FRMD4B: variants seen among roughly 807,000 people sequenced by gnomAD.
FRMD4B encodes the protein FERM domain-containing protein 4B.
In FRMD4B, 74 loss-of-function variants were observed where a neutral mutation model predicts 141.5. The observed-to-expected ratio is 0.52, with a 90% CI of 0.43 to 0.63. The LOEUF (loss-of-function observed/expected upper bound fraction) is 0.63. Ranked by LOEUF, FRMD4B falls within the 30% of genes least tolerant of loss-of-function variation. The pLI is 0.00. For missense variants in FRMD4B, 1,366 were observed against 1,253.4 expected, an observed-to-expected ratio of 1.09 and a Z score of -1.36; for synonymous variants, 506 against 467.9, an observed-to-expected ratio of 1.08 and a Z score of -1.05.
intron 5 of FRMD4B, among the ~76,000 whole-genome samples, chr3:69,277,863 T>C (rs1350948229): frequency 6.6e-6 from 1 of 150,870 alleles, no homozygotes; most frequent in African/African-American, 2.4e-5. Flanking sequence ...TTCTTTCTTT[T>C]TTTTTTTCTT....
Position 69,356,062 on chromosome 3 carries a change from G to T in FRMD4B, c.162+29766C>A, listed in dbSNP as rs6780213. ...AAAAAAATTAGGAAACAGGATCCCCGCTTTTCTTTGGGGACACCATCCAAA... is the reference window on the plus strand; with the variant it reads ...AAAAAAATTAGGAAACAGGATCCCCTCTTTTCTTTGGGGACACCATCCAAA... On this transcript the variant is annotated intron_variant, in intron 1 of 22. Coordinates refer to ENST00000398540, the MANE Select transcript of FRMD4B (RefSeq NM_015123.3). Among the ~76,000 whole-genome samples the T allele has an allele frequency of 8.7e-3, 1,324 of 152,140 alleles. 23 individuals are homozygous for T. Among genetic ancestry groups the T allele is most frequent in the African/African-American group, 0.029 (1,195 of 41,512 alleles).
At chr3:69,311,748 A>G (rs1701597729) in intron 2 of FRMD4B, among the ~76,000 whole-genome samples, 1 of 152,132 alleles carries the variant, frequency 6.6e-6, no homozygotes, top group Non-Finnish European at 1.5e-5. Context: ...GATTGCAGGA[A>G]ACATTTTGCT....
chr3:69,346,112 A>G (rs1253558895), intron 1 of FRMD4B, among the ~76,000 whole-genome samples: 1 of 152,102 alleles, frequency 6.6e-6, no homozygotes. Context: ...GCTAACTAGA[A>G]TAACCAGTGT....
rs531199561 is a variant in FRMD4B, at chr3:69,435,405, T to C, written c.-128-2644A>G. 2.6e-5 allele frequency among the ~76,000 whole-genome samples: 4 copies of C among 152,190 alleles called. No homozygotes were observed. In the East Asian group the frequency reaches 5.8e-4, roughly 22 times the overall value. The stretch of plus-strand genomic sequence containing the variant: ...AAGGCCATTTAATAAACCTTGGTCA[T>C]TATGGTGTAAACCAAGCATCACAAG... On this transcript the variant is annotated intron_variant, in intron 1 of 5. Transcript: ENST00000459638.
intron 11 of FRMD4B, among the ~76,000 whole-genome samples, chr3:69,210,087 A>G (rs1305826439): frequency 6.6e-6 from 1 of 150,684 alleles, no homozygotes; most frequent in Middle Eastern, 3.4e-3. Context: ...AGAGACAGAA[A>G]CAGAAAGCTA....
At chr3:69,219,756 C>T (rs1338087982) in intron 9 of FRMD4B, among the ~76,000 whole-genome samples, 5 of 152,146 alleles carry the variant, frequency 3.3e-5, no homozygotes, top group Non-Finnish European at 7.4e-5. Context: ...TAGCACTTTT[C>T]CCTAATGCTC....
At chr3:69,289,692 C>A (rs146326011) in intron 4 of FRMD4B, among the ~76,000 whole-genome samples, 1 of 152,016 alleles carries the variant, frequency 6.6e-6, no homozygotes, top group East Asian at 1.9e-4. Flanking sequence ...TCAGCTACTC[C>A]GGAGGCTGGG....
intron 5 of FRMD4B, among the ~76,000 whole-genome samples, chr3:69,257,617 A>G (rs74337522): frequency 0.013 from 1,983 of 152,282 alleles, 39 homozygotes; most frequent in African/African-American, 0.045. Flanking sequence ...CTTATTTATA[A>G]ATAACACTAA....
At chr3:69,282,863 C>T (rs930945839) in intron 5 of FRMD4B, among the ~76,000 whole-genome samples, 4 of 152,054 alleles carry the variant, frequency 2.6e-5, no homozygotes, top group Admixed American at 2.6e-4. Context: ...TCACGAACTC[C>T]TGACCTCAAG....
chr3:69,479,427 G>C (rs1706073837), intron 1 of FRMD4B, among the ~76,000 whole-genome samples: 1 of 152,028 alleles, frequency 6.6e-6, no homozygotes, highest in Non-Finnish European at 1.5e-5. Flanking sequence ...CTCAGCATTT[G>C]CTTGTCTGTA....
intron 1 of FRMD4B, among the ~76,000 whole-genome samples, chr3:69,514,307 C>T (rs1441803477): frequency 1.3e-5 from 2 of 151,792 alleles, no homozygotes; most frequent in African/African-American, 4.8e-5. Flanking sequence ...TTTACCATGG[C>T]ATCAAAAAGA....
intron 17 of FRMD4B, among the ~76,000 whole-genome samples, chr3:69,191,827 C>T (rs1052215543): frequency 6.6e-6 from 1 of 152,164 alleles, no homozygotes; most frequent in Non-Finnish European, 1.5e-5. Context: ...AAATTAACCA[C>T]CCCCAAGACT....
intron 5 of FRMD4B, among the ~76,000 whole-genome samples, chr3:69,254,688 T>G (rs1348419189): frequency 6.6e-6 from 1 of 152,084 alleles, no homozygotes; most frequent in Non-Finnish European, 1.5e-5. Context: ...AACTGGGGGC[T>G]GGGAAAGGTC....
chr3:69,282,188 A>C (rs2093647819), intron 5 of FRMD4B, among the ~76,000 whole-genome samples: 1 of 152,236 alleles, frequency 6.6e-6, no homozygotes, highest in Non-Finnish European at 1.5e-5. Flanking sequence ...AGTATTTGCA[A>C]ATAAGAGCTC....
At chr3:69,458,315 C>CA (rs1295020951) in intron 1 of FRMD4B, among the ~76,000 whole-genome samples, 1 of 152,138 alleles carries the variant, frequency 6.6e-6, no homozygotes, top group Non-Finnish European at 1.5e-5. Context: ...TAGATAGACA[C>CA]AGTCTATGCT....
chr3:69,296,348 G>A (rs773233972), intron 4 of FRMD4B, among the ~76,000 whole-genome samples: 3 of 152,108 alleles, frequency 2.0e-5, no homozygotes, highest in East Asian at 1.9e-4. Flanking sequence ...GGAATACACC[G>A]AGAAATAGAA....
chr3:69,255,962 T>C (rs9310143), intron 5 of FRMD4B, among the ~76,000 whole-genome samples: 39,711 of 152,010 alleles, frequency 0.26, 5,470 homozygotes, highest in East Asian at 0.48. Context: ...CAGGGTGCTC[T>C]GGCTTGCACC....
intron 1 of FRMD4B, among the ~76,000 whole-genome samples, chr3:69,501,818 G>A (rs1706502261): frequency 6.6e-6 from 1 of 152,178 alleles, no homozygotes; most frequent in Non-Finnish European, 1.5e-5. Flanking sequence ...AAGCTGATAA[G>A]CAACTTCAGC....
chr3:69,294,673 A>AAGAGTCAGG (rs1403908724), intron 4 of FRMD4B, among the ~76,000 whole-genome samples: 51 of 152,212 alleles, frequency 3.4e-4, no homozygotes, highest in African/African-American at 1.1e-3. Flanking sequence ...GGAGGCCCAA[A>AAGAGTCAGG]AGAGTCAGGG....
Sources: allele counts gnomAD v4.1 joint callset (sites outside exome capture counted in the v4.1 genomes callset), GRCh38; gene constraint gnomAD v4.1.1; transcripts MANE v1.5; gene names NCBI Gene and HGNC (gene_info 2026-07-23, HGNC 2026-07-21).